Variants in BEND3 observed in about 807,000 individuals in gnomAD.
BEND3 encodes the protein BEN domain containing 3, also known as BEN domain-containing protein 3.
A neutral mutation model predicts 60.1 loss-of-function variants in BEND3; 13 were observed. The ratio of observed to expected loss-of-function variants is 0.22; its 90% CI spans 0.14 to 0.34. BEND3 has a LOEUF of 0.34. BEND3 is among the 10% of genes least tolerant of loss of function. BEND3 has a pLI of 1.00. For missense variants in BEND3, 896 were observed against 1,138.1 expected (o/e 0.79, Z 3.06); for synonymous variants, 497 against 491.5 (o/e 1.01, Z -0.15).
At chr6:107,109,748 C>T (rs1344428082) in intron 1 of BEND3, among the ~76,000 whole-genome samples, 12 of 152,030 alleles carry the variant, frequency 7.9e-5, no homozygotes, top group African/African-American at 2.9e-4. Flanking sequence ...GTGGCGGACA[C>T]CTGAAATCCC....
chr6:107,085,460 C>G (rs1400965670), intron 3 of BEND3, among the ~76,000 whole-genome samples: 1 of 151,866 alleles, frequency 6.6e-6, no homozygotes, highest in Admixed American at 6.6e-5. Context: ...ATCCTCTTTT[C>G]TTTTGTTTTT....
chr6:107,068,544 G>A lies in BEND3; in HGVS notation c.*160C>T. 1 of 744,506 alleles carries A rather than the reference G, an allele frequency of 1.3e-6. No individual in the cohort carries two copies. Among genetic ancestry groups the A allele is most frequent in the Non-Finnish European group, 2.1e-6 (1 of 471,356 alleles). 46.1% of individuals were successfully genotyped at this position (744,506 alleles called of 1,614,324 possible). On this transcript the variant is annotated 3_prime_UTR_variant, in exon 4 of 4. Coordinates refer to ENST00000369042, the MANE Select transcript of BEND3 (RefSeq NM_001367314.1). The surrounding 1 kb of genome is among the most constrained non-coding windows in gnomAD (Gnocchi z 5.8). Reference sequence around the variant, plus strand: ...AACTCAAGGCTTCTTTCTTGCGGTTGGGTGGGTGTTTACGTGTGCAAATGT... The same window carrying A: ...AACTCAAGGCTTCTTTCTTGCGGTTAGGTGGGTGTTTACGTGTGCAAATGT...
chr6:107,114,661 A>T (rs1259980798), intron 1 of BEND3, among the ~76,000 whole-genome samples: 437 of 129,668 alleles, frequency 3.4e-3, no homozygotes, highest in African/African-American at 9.8e-3. Flanking sequence ...AGTACGGCAG[A>T]GCCTTCCGGC....
chr6:107,113,233 G>A (rs1478128833), intron 1 of BEND3, among the ~76,000 whole-genome samples: 4 of 151,526 alleles, frequency 2.6e-5, no homozygotes, highest in African/African-American at 4.9e-5. Flanking sequence ...CCTGAGGTCC[G>A]GAAACCAGCC....
intron 3 of BEND3, among the ~76,000 whole-genome samples, chr6:107,071,881 GAC>G (rs1283823795): frequency 1.3e-5 from 2 of 152,206 alleles, no homozygotes; most frequent in East Asian, 1.9e-4. Context: ...AATTCGATGG[GAC>G]ACAGAGAATG....
intron 1 of BEND3, among the ~76,000 whole-genome samples, chr6:107,107,185 C>T (rs1554237647): frequency 2.6e-5 from 4 of 152,128 alleles, no homozygotes; most frequent in Non-Finnish European, 2.9e-5. Flanking sequence ...GATCCACCCG[C>T]CTCGGCCTCC....
At chr6:107,114,781 G>C (rs1167967331) in intron 1 of BEND3, among the ~76,000 whole-genome samples, 17 of 145,430 alleles carry the variant, frequency 1.2e-4, no homozygotes, top group African/African-American at 3.9e-4. Flanking sequence ...CGAACCCCCC[G>C]CCCCCGCGCG....
intron 1 of BEND3, among the ~76,000 whole-genome samples, chr6:107,105,320 G>A (rs1029555367): frequency 6.7e-5 from 10 of 150,298 alleles, no homozygotes; most frequent in Non-Finnish European, 1.5e-4. Context: ...GCAGTGAGCC[G>A]AGATCGCGCC....
At chr6:107,098,443 G>T in intron 3 of BEND3, 108 bp downstream of exon 3, 1 of 1,146,154 alleles carries the variant, frequency 8.7e-7, no homozygotes, top group Non-Finnish European at 1.2e-6. Context: ...ACCTTCCCAT[G>T]CCCAAGGGTT....
intron 3 of BEND3, among the ~76,000 whole-genome samples, chr6:107,094,668 C>T (rs868906839): frequency 2.7e-5 from 4 of 148,386 alleles, no homozygotes; most frequent in South Asian, 2.1e-4. Context: ...ATAAATAAAA[C>T]GAACAACAAA....
At chr6:107,111,090 G>C (rs560188774) in intron 1 of BEND3, among the ~76,000 whole-genome samples, 1 of 152,160 alleles carries the variant, frequency 6.6e-6, no homozygotes, top group South Asian at 2.1e-4. Flanking sequence ...GCTTGAGCCC[G>C]GGAGTCAGTG....
chr6:107,072,674 T>C (rs1180047262), intron 3 of BEND3, among the ~76,000 whole-genome samples: 3 of 152,144 alleles, frequency 2.0e-5, no homozygotes, highest in Admixed American at 6.5e-5. Flanking sequence ...GAACCTTCCA[T>C]GTGTTCTTTT....
chr6:107,107,814 C>T (rs1217686832), intron 1 of BEND3, among the ~76,000 whole-genome samples: 2 of 152,190 alleles, frequency 1.3e-5, no homozygotes, highest in Non-Finnish European at 2.9e-5. Flanking sequence ...AATAAAATGG[C>T]TTAAAAGATT....
chr6:107,069,177 T>C lies in BEND3; in HGVS notation c.2014A>G (p.Ser672Gly). The C allele has an allele frequency of 5.0e-6, 8 of 1,612,550 alleles. No homozygotes were observed. Among genetic ancestry groups the C allele is most frequent in the Non-Finnish European group, 6.8e-6 (8 of 1,180,026 alleles). ...AACCTCTCGGGGTTGATTGCATAGC[T>C]GGTCAAGTCTCTGCACTCAGGGCCC... The part of the protein sequence containing the change: ...VPGPECRDLT[S>G]YAINPERFRE... The change falls in exon 4 of 4, where the codon AGC (serine) becomes GGC (glycine). Residue 672 changes from serine to glycine, a missense_variant. This residue lies in a region of BEND3 where 846 missense variants were observed against 1,036.7 expected (regional missense o/e 0.82). Transcript: ENST00000369042.
At chr6:107,113,338 T>C (rs1554238768) in intron 1 of BEND3, among the ~76,000 whole-genome samples, 1 of 147,158 alleles carries the variant, frequency 6.8e-6, no homozygotes, top group African/African-American at 2.5e-5. Flanking sequence ...TCCGTGAGGC[T>C]GAGGCAGGAA....
Position 107,109,455 on chromosome 6 carries a change from A to AAAAAAAAAAAAT in BEND3, c.-12+5634_-12+5635insATTTTTTTTTTT, listed in dbSNP as rs1474951967. On this transcript the variant is annotated intron_variant, in intron 1 of 3. Coordinates refer to ENST00000369042, the MANE Select transcript of BEND3 (RefSeq NM_001367314.1). ...AAGACTCTGTCTCAAAAAAAAAAAA[A>AAAAAAAAAAAAT]AAATCGAGGTGGGGCAGGCATAGTG... is the stretch of plus-strand genomic sequence containing the variant. Among the ~76,000 whole-genome samples, 9 of 149,228 alleles carry AAAAAAAAAAAAT rather than the reference A, an allele frequency of 6.0e-5. No individual in the cohort carries two copies. In the East Asian group the frequency reaches 1.8e-3, roughly 30 times the overall value.
intron 3 of BEND3, among the ~76,000 whole-genome samples, chr6:107,084,480 GC>G (rs1234053650): frequency 6.6e-6 from 1 of 150,976 alleles, no homozygotes; most frequent in African/African-American, 2.5e-5. Flanking sequence ...CTGTAAAAAC[GC>G]ACCAATCAGC....
Position 107,069,872 on chromosome 6 carries a change from T to C in BEND3, c.1319A>G (p.Lys440Arg). Residue 440 changes from lysine to arginine, a missense_variant, in exon 4 of 4, where the codon AAG becomes AGG. Physicochemically the swap from Lys to Arg is conservative, Grantham distance 26. Around this residue, in one of 4 missense-constraint regions of BEND3, gnomAD observed 846 missense variants for 1,036.7 expected, o/e 0.82. Transcript: ENST00000369042. ...CAGCCGCTGCGGGTCCAGCTCCTGCTTTCCACCGTCCCCGTAGCAGCTGTA... is the reference window on the plus strand; with the variant it reads ...CAGCCGCTGCGGGTCCAGCTCCTGCCTTCCACCGTCCCCGTAGCAGCTGTA... The part of the protein sequence containing the change: ...EQYSCYGDGG[K>R]QELDPQRLQI... 1 of 1,613,854 alleles carries C rather than the reference T, an allele frequency of 6.2e-7. No homozygotes were observed.
chr6:107,089,776 G>A (rs1313202474), intron 3 of BEND3, among the ~76,000 whole-genome samples: 3 of 150,520 alleles, frequency 2.0e-5, no homozygotes, highest in African/African-American at 7.3e-5. Flanking sequence ...TGTATTTTTA[G>A]TAGAGATGGG....
Sources: allele counts gnomAD v4.1 joint callset (sites outside exome capture counted in the v4.1 genomes callset), GRCh38; gene constraint gnomAD v4.1.1; regional missense constraint gnomAD v4.1.1; non-coding constraint Gnocchi (gnomAD v3.1); transcripts MANE v1.5; gene names NCBI Gene and HGNC (gene_info 2026-07-23, HGNC 2026-07-21).